The following NFATC3 variants were observed in gnomAD, a reference collection of about 807,000 sequenced individuals.
NFATC3 encodes nuclear factor of activated T-cells, cytoplasmic 3.
Under a neutral mutation model 98.6 loss-of-function variants are expected in NFATC3, and 46 were observed. The ratio of observed to expected loss-of-function variants is 0.47; its 90% CI spans 0.37 to 0.60. The LOEUF (loss-of-function observed/expected upper bound fraction) is 0.60. Ranked by LOEUF, NFATC3 falls within the 20% of genes least tolerant of loss-of-function variation. The pLI, the probability that NFATC3 is intolerant of heterozygous loss-of-function variation, is 0.00. For missense variants in NFATC3, 1,256 were observed against 1,295.5 expected, an observed-to-expected ratio of 0.97 and a Z score of 0.47; for synonymous variants, 512 against 472.2, an observed-to-expected ratio of 1.08 and a Z score of -1.09.
intron 9 of NFATC3, among the ~76,000 whole-genome samples, chr16:68,215,745 T>TTTTTTTTTG: frequency 6.7e-6 from 1 of 148,344 alleles, no homozygotes; most frequent in Non-Finnish European, 1.5e-5. Flanking sequence ...TTTTTTTTTT[T>TTTTTTTTTG]GAGATGGAGT....
chr16:68,163,595 A>G (rs1254071717), intron 4 of NFATC3, among the ~76,000 whole-genome samples: 1 of 149,656 alleles, frequency 6.7e-6, no homozygotes, highest in Non-Finnish European at 1.5e-5. Context: ...GACGCTCCTC[A>G]CTTCCCAGAC....
intron 1 of NFATC3, among the ~76,000 whole-genome samples, chr16:68,097,907 C>T (rs947163746): frequency 9.9e-5 from 15 of 152,138 alleles, no homozygotes; most frequent in East Asian, 3.8e-4. Flanking sequence ...TCCAGACAAC[C>T]GCTGAACTCA....
rs756019047 is a variant in NFATC3 at position 68,191,730 on chromosome 16, C to A, written c.3061C>A (p.Pro1021Thr). The A allele has an allele frequency of 6.2e-7, 1 of 1,614,034 alleles. No individual in the cohort carries two copies. The highest frequency in any genetic ancestry group is 1.1e-5 in the South Asian group (1 of 91,078). ...TAAACCTGAACCAGAAGATCGAGAG[C>A]CTAACTTTGCAACCATTGGTCTGCA... is the stretch of plus-strand genomic sequence containing the variant. ...SIKPEPEDRE[P>T]NFATIGLQDI... The change falls in exon 9 of 10, where the codon CCT (proline) becomes ACT (threonine). Residue 1021 changes from proline (P) to threonine (T), a missense_variant. By Grantham distance (38) the Pro-to-Thr change is conservative. Coordinates refer to ENST00000346183, the MANE Select transcript of NFATC3 (RefSeq NM_173165.3).
chr16:68,162,812 T>C (rs1198686217), intron 4 of NFATC3, among the ~76,000 whole-genome samples: 1 of 151,794 alleles, frequency 6.6e-6, no homozygotes, highest in Non-Finnish European at 1.5e-5. Context: ...GGCAGGGTCA[T>C]AGGACAATAG....
At chr16:68,108,375 T>C (rs2035775784) in intron 1 of NFATC3, among the ~76,000 whole-genome samples, 1 of 152,186 alleles carries the variant, frequency 6.6e-6, no homozygotes, top group Non-Finnish European at 1.5e-5. Flanking sequence ...TTGTCAAAGA[T>C]CAGATGGTTG....
chr16:68,094,521 ATATTTTGACCAAT>A (rs1418931535), intron 1 of NFATC3, among the ~76,000 whole-genome samples: 1 of 151,372 alleles, frequency 6.6e-6, no homozygotes, highest in Non-Finnish European at 1.5e-5. Flanking sequence ...TTTTTCCTTG[ATATTTTGACCAAT>A]TTGCCATCTG....
rs575919369 is a variant in NFATC3, at chr16:68,106,156, C to T, written c.104-15831C>T. 5.5e-3 allele frequency among the ~76,000 whole-genome samples: 833 copies of T among 152,108 alleles called. 7 individuals carry two copies. The highest frequency in any genetic ancestry group is 0.019 in the African/African-American group (776 of 41,492). On this transcript the variant is annotated intron_variant, in intron 1 of 9. Transcript: ENST00000346183. The stretch of plus-strand genomic sequence containing the variant: ...GAGTGCTGGGATTATAGGTGTGAGC[C>T]GCCGCACCCGATCCTGTTCATAGTA...
intron 9 of NFATC3, among the ~76,000 whole-genome samples, chr16:68,194,524 C>T (rs55757502): frequency 0.14 from 20,710 of 152,214 alleles, 1,464 homozygotes; most frequent in South Asian, 0.15. Flanking sequence ...TAAAGGCTTA[C>T]GCAAATATTG....
rs1429467378 is a variant in NFATC3 at position 68,182,974 on chromosome 16, T to G, written c.1972-266T>G. 2.0e-5 allele frequency among the ~76,000 whole-genome samples: 3 copies of G among 152,200 alleles called. 1 individual carries two copies. The highest frequency in any genetic ancestry group is 4.1e-4 in the South Asian group (2 of 4,834). ...CAGTAGAGTAAAACATCTCACTACA[T>G]AGTATGTAAGACTTTTTACTTCTGC... On this transcript the variant is annotated intron_variant, in intron 7 of 9. Coordinates refer to ENST00000346183, the MANE Select transcript of NFATC3 (RefSeq NM_173165.3).
At chr16:68,180,045 C>T (rs935539587) in intron 6 of NFATC3, among the ~76,000 whole-genome samples, 3 of 152,142 alleles carry the variant, frequency 2.0e-5, no homozygotes, top group Non-Finnish European at 2.9e-5. Flanking sequence ...TTTCCGTGTA[C>T]GGTGGTTAGA....
chr16:68,149,030 A>G (rs2038182161), intron 3 of NFATC3, among the ~76,000 whole-genome samples: 3 of 152,192 alleles, frequency 2.0e-5, no homozygotes, highest in South Asian at 4.2e-4. Context: ...TTTAAAAAGG[A>G]CTTAAATTTC....
At chr16:68,086,971 A>T (rs1435420709) in intron 1 of NFATC3, among the ~76,000 whole-genome samples, 1 of 152,218 alleles carries the variant, frequency 6.6e-6, no homozygotes, top group African/African-American at 2.4e-5. Flanking sequence ...ATGATGAGGC[A>T]GAGGACTGAG....
intron 1 of NFATC3, chr16:68,089,029 G>C: frequency 5.1e-6 from 5 of 985,404 alleles, no homozygotes; most frequent in African/African-American, 1.7e-5. Context: ...CTGCTCTTTC[G>C]TGGTAGAGGA....
intron 1 of NFATC3, among the ~76,000 whole-genome samples, chr16:68,098,297 ATTATTTTTT>A (rs1341006218): frequency 6.9e-5 from 7 of 101,454 alleles, no homozygotes; most frequent in Admixed American, 1.0e-4. Flanking sequence ...TATTATTATT[ATTATTTTTT>A]TTTTTTTTTT....
chr16:68,150,505 C>T (rs754320703), intron 3 of NFATC3, among the ~76,000 whole-genome samples: 96 of 151,274 alleles, frequency 6.3e-4, no homozygotes, highest in Non-Finnish European at 1.2e-3. Context: ...TCCTTTGAGC[C>T]CAGAAACTCA....
At chr16:68,161,917 A>G (rs80232938) in intron 4 of NFATC3, among the ~76,000 whole-genome samples, 6,130 of 152,280 alleles carry the variant, frequency 0.04, 374 homozygotes, top group African/African-American at 0.13. Context: ...AGTAGGATCT[A>G]AATTTACCTG....
At chr16:68,204,221 G>A (rs943974258) in intron 9 of NFATC3, among the ~76,000 whole-genome samples, 11 of 151,310 alleles carry the variant, frequency 7.3e-5, no homozygotes, top group Non-Finnish European at 2.9e-5. Context: ...AATTAGCCAC[G>A]CATGGTGGTG....
chr16:68,109,050 C>T (rs1402604818), intron 1 of NFATC3, among the ~76,000 whole-genome samples: 7 of 152,090 alleles, frequency 4.6e-5, no homozygotes, highest in Admixed American at 3.9e-4. Flanking sequence ...TCTTCCTATG[C>T]GAATACCCTG....
intron 3 of NFATC3, among the ~76,000 whole-genome samples, chr16:68,141,673 C>T (rs1273526005): frequency 6.6e-6 from 1 of 151,686 alleles, no homozygotes; most frequent in Non-Finnish European, 1.5e-5. Context: ...TTGTTTTTTT[C>T]TTGCTGATTT....
Sources: gnomAD v4.1 joint callset for allele counts (sites outside exome capture counted in the v4.1 genomes callset) on GRCh38, gnomAD v4.1.1 for gene constraint, MANE v1.5 for transcripts, NCBI Gene and HGNC (gene_info 2026-07-23, HGNC 2026-07-21) for gene names.